The following SNTA1 variants were observed in gnomAD, a reference collection of about 807,000 sequenced individuals.
SNTA1 encodes alpha-1-syntrophin.
In SNTA1, 31 loss-of-function variants were observed where a neutral mutation model predicts 47.1. That is an observed-to-expected ratio of 0.66 (90% CI 0.49 to 0.89). The LOEUF (loss-of-function observed/expected upper bound fraction) is 0.89, where lower values mean the gene tolerates loss of function less well. Among genes scored for constraint, SNTA1 ranks in the 40% least tolerant of loss-of-function variants. The pLI is 0.00. For synonymous variants in SNTA1, 300 were observed against 313.6 expected (o/e 0.96, Z 0.46); for missense variants, 575 against 693.0 (o/e 0.83, Z 1.91).
In SNTA1 at chr20:33,408,700, C is replaced by T. The variant is rs113809208; in HGVS notation, c.1425+1G>A. On this transcript the variant is annotated splice_donor_variant, in intron 7 of 7. Coordinates refer to ENST00000217381, the MANE Select transcript of SNTA1 (RefSeq NM_003098.3). LOFTEE classifies it high-confidence loss of function. ...GGGTGCAGAGGCAGCCCCTCACTCA[C>T]GATCTCGCCTTCAGCACCTCCAAAA... 22 of 1,613,876 alleles carry T rather than the reference C, an allele frequency of 1.4e-5. No individual in the cohort carries two copies. Among genetic ancestry groups the T allele is most frequent in the Admixed American group, 3.3e-5 (2 of 59,992 alleles).
intron 2 of SNTA1, among the ~76,000 whole-genome samples, chr20:33,426,126 T>C (rs907953299): frequency 6.6e-6 from 1 of 150,812 alleles, no homozygotes; most frequent in Non-Finnish European, 1.5e-5. Flanking sequence ...AAAATAGAAG[T>C]AAAATATATC....
chr20:33,437,362 A>G lies in SNTA1; in HGVS notation c.496+1479T>C, dbSNP rs191296262. 8.7e-4 allele frequency among the ~76,000 whole-genome samples: 129 copies of G among 147,562 alleles called. 1 individual carries two copies. In the East Asian group the frequency reaches 0.023, roughly 27 times the overall value. On this transcript the variant is annotated intron_variant, in intron 2 of 7. Coordinates refer to ENST00000217381, the MANE Select transcript of SNTA1 (RefSeq NM_003098.3). ...GGATTGTTTGAGCCCCGGGGGGTGG[A>G]GGGTGCATTGAGCCAAGATCATACT... is the stretch of plus-strand genomic sequence containing the variant.
intron 2 of SNTA1, among the ~76,000 whole-genome samples, chr20:33,425,153 T>G (rs1198734637): frequency 1.3e-5 from 2 of 152,050 alleles, no homozygotes; most frequent in East Asian, 3.9e-4. Flanking sequence ...AGAGCACACC[T>G]GTAGCCCCAG....
In SNTA1 at chr20:33,410,392, G is replaced by A. The variant is rs1989712960; in HGVS notation, c.1041-61C>T. ...TCAGGCCGGAGGCAAATAGTTCTGG[G>A]CAAAGGGGCCAGTGACCTGGGAAGA... On this transcript the variant is annotated intron_variant, in intron 5 of 7. Transcript: ENST00000217381. 3.6e-6 allele frequency: 4 copies of A among 1,122,062 alleles called. No homozygotes were observed. In the Admixed American group the frequency reaches 8.0e-5, roughly 22 times the overall value. The allele number at this position is 1,122,062 out of a possible 1,614,324, so 69.5% of individuals were successfully genotyped here. A position where few individuals can be genotyped will look rare whatever the true frequency, so the allele number is the denominator to read the frequency against.
At chr20:33,432,894 C>T (rs1990344695) in intron 2 of SNTA1, among the ~76,000 whole-genome samples, 1 of 152,044 alleles carries the variant, frequency 6.6e-6, no homozygotes, top group Non-Finnish European at 1.5e-5. Context: ...GAGGGCTATA[C>T]CTTCCTTACT....
intron 1 of SNTA1, among the ~76,000 whole-genome samples, chr20:33,441,801 G>A (rs1412037184): frequency 1.3e-5 from 2 of 152,258 alleles, no homozygotes; most frequent in South Asian, 4.2e-4. Context: ...GTGTCCATCT[G>A]CAGAATGGAA....
At chr20:33,422,696 G>C (rs547180490) in intron 2 of SNTA1, among the ~76,000 whole-genome samples, 1 of 152,258 alleles carries the variant, frequency 6.6e-6, no homozygotes, top group South Asian at 2.1e-4. Context: ...GGAGGCTAAG[G>C]TGGGAGGCTT....
At chr20:33,423,536 C>T (rs1384739424) in intron 2 of SNTA1, among the ~76,000 whole-genome samples, 1 of 152,240 alleles carries the variant, frequency 6.6e-6, no homozygotes, top group Non-Finnish European at 1.5e-5. Context: ...GCCCTTCCTC[C>T]TCAGGGAAGC....
Position 33,443,314 on chromosome 20 carries a change from T to C in SNTA1, c.307A>G (p.Lys103Glu), listed in dbSNP as rs768233171. 2.7e-6 allele frequency: 4 copies of C among 1,508,870 alleles called. No individual in the cohort carries two copies. The highest frequency in any genetic ancestry group is 3.5e-6 in the Non-Finnish European group (4 of 1,136,124). The allele number at this position is 1,508,870 out of a possible 1,614,324, so 93.5% of individuals were successfully genotyped here. A position where few individuals can be genotyped will look rare whatever the true frequency, so the allele number is the denominator to read the frequency against. ...GCCCTCGGTGTCCCGCGCCCACCTT[T>C]GATGCTGATGCCCAGCCCACCGGCG... ...ADAGGLGISI[K>E]GGRENKMPIL... The change falls in exon 1 of 8, where the codon AAA becomes GAA. Residue 103 changes from lysine to glutamate, a missense_variant. By Grantham distance (56) the Lys-to-Glu change is moderately conservative. Coordinates refer to ENST00000217381, the MANE Select transcript of SNTA1 (RefSeq NM_003098.3).
intron 3 of SNTA1, among the ~76,000 whole-genome samples, chr20:33,415,166 C>T (rs1989844027): frequency 6.6e-6 from 1 of 152,208 alleles, no homozygotes; most frequent in Non-Finnish European, 1.5e-5. Flanking sequence ...TAAACAAACA[C>T]ACATGTACAA....
chr20:33,443,250 C>T, intron 1 of SNTA1, 61 bp downstream of exon 1: 1 of 1,345,184 alleles, frequency 7.4e-7, no homozygotes, highest in Middle Eastern at 2.6e-4. Context: ...GCTGCCAGCC[C>T]CCTGCGCCCT....
At chr20:33,427,267 G>T (rs562833076) in intron 2 of SNTA1, among the ~76,000 whole-genome samples, 2 of 152,150 alleles carry the variant, frequency 1.3e-5, no homozygotes, top group East Asian at 3.9e-4. Flanking sequence ...TTGAATCCAG[G>T]CCCCGTAATA....
intron 2 of SNTA1, among the ~76,000 whole-genome samples, chr20:33,431,910 G>T (rs1017844206): frequency 2.6e-5 from 4 of 152,170 alleles, no homozygotes; most frequent in Non-Finnish European, 5.9e-5. Flanking sequence ...GCTCGTCAGG[G>T]CCAGAACCTG....
chr20:33,422,393 C>A (rs541551336), intron 2 of SNTA1, among the ~76,000 whole-genome samples: 56 of 148,652 alleles, frequency 3.8e-4, no homozygotes, highest in African/African-American at 1.3e-3. Context: ...GAGCTGAGAT[C>A]GTGCCATTGC....
intron 2 of SNTA1, among the ~76,000 whole-genome samples, chr20:33,428,496 T>A (rs1188636867): frequency 6.6e-6 from 1 of 152,018 alleles, no homozygotes; most frequent in Admixed American, 6.6e-5. Flanking sequence ...AAAGCAAATA[T>A]GGAAACTTAC....
At position 33,410,212 on chromosome 20, in the gene SNTA1, T is replaced by C; in HGVS notation, c.1160A>G (p.Gln387Arg). ...DTHLFSVESPQELAAWTRQLV... is the reference protein window; with the variant it reads ...DTHLFSVESPRELAAWTRQLV... The stretch of plus-strand genomic sequence containing the variant: ...CTGGCGGGTCCAGGCAGCCAGCTCC[T>C]GCGGTGACTCCACGCTGAACAGGTG... Residue 387 changes from glutamine to arginine, a missense_variant, in exon 6 of 8, where the codon CAG (glutamine) becomes CGG (arginine). Gln to Arg is a conservative substitution (Grantham distance 43). Coordinates refer to ENST00000217381, the MANE Select transcript of SNTA1 (RefSeq NM_003098.3). The C allele has an allele frequency of 6.2e-7, 1 of 1,614,040 alleles. No individual in the cohort carries two copies. Among genetic ancestry groups the C allele is most frequent in the Non-Finnish European group, 8.5e-7 (1 of 1,180,014 alleles).
intron 3 of SNTA1, among the ~76,000 whole-genome samples, chr20:33,415,893 G>A (rs184951698): frequency 1.4e-3 from 208 of 152,190 alleles, no homozygotes; most frequent in Middle Eastern, 3.4e-3. Context: ...CGGATCACCT[G>A]AGGTCAGGAG....
chr20:33,415,660 G>A (rs1000901333), intron 3 of SNTA1, among the ~76,000 whole-genome samples: 1 of 151,498 alleles, frequency 6.6e-6, no homozygotes. Flanking sequence ...GCATGGCGGC[G>A]TGCACCTGTA....
chr20:33,431,502 C>T (rs1359647571), intron 2 of SNTA1, among the ~76,000 whole-genome samples: 1 of 151,918 alleles, frequency 6.6e-6, no homozygotes. Context: ...AATCCCAGCA[C>T]TTTGGGAGGC....
Sources: allele counts gnomAD v4.1 joint callset (sites outside exome capture counted in the v4.1 genomes callset), GRCh38; gene constraint gnomAD v4.1.1; transcripts MANE v1.5; gene names NCBI Gene and HGNC (gene_info 2026-07-23, HGNC 2026-07-21).